MKLN1: variants seen among roughly 807,000 people sequenced by gnomAD.
MKLN1 encodes the protein muskelin.
A neutral mutation model predicts 99.0 loss-of-function variants in MKLN1; 18 were observed. The ratio of observed to expected loss-of-function variants is 0.18; its 90% CI spans 0.13 to 0.27. MKLN1 has a LOEUF of 0.27. MKLN1 is among the 10% of genes least tolerant of loss of function. MKLN1 has a pLI of 1.00. For synonymous variants in MKLN1, 288 were observed against 293.2 expected (o/e 0.98, Z 0.18); for missense variants, 621 against 875.9 (o/e 0.71, Z 3.67).
intron 3 of MKLN1, among the ~76,000 whole-genome samples, chr7:131,291,362 C>A (rs1204096451): frequency 1.3e-5 from 2 of 151,202 alleles, no homozygotes. Context: ...AACTCCTGAC[C>A]TCAGGTGATC....
At chr7:131,202,066 T>C (rs957693511) in intron 2 of MKLN1, among the ~76,000 whole-genome samples, 1 of 151,022 alleles carries the variant, frequency 6.6e-6, no homozygotes, top group African/African-American at 2.4e-5. Flanking sequence ...ACAACACTAG[T>C]CAAGAAATTA....
At chr7:131,232,839 CCATCTCCAAAAAAT>C (rs1797262971) in intron 3 of MKLN1, among the ~76,000 whole-genome samples, 1 of 151,368 alleles carries the variant, frequency 6.6e-6, no homozygotes, top group Non-Finnish European at 1.5e-5. Context: ...GAGGGAGACC[CCATCTCCAAAAAAT>C]AAATAAATAA....
intron 3 of MKLN1, among the ~76,000 whole-genome samples, chr7:131,232,410 T>G (rs1797256407): frequency 6.6e-6 from 1 of 152,326 alleles, no homozygotes; most frequent in East Asian, 1.9e-4. Flanking sequence ...ATGAAAAATT[T>G]ATAGGATTGG....
At chr7:131,305,324 T>C (rs1304642315) in intron 3 of MKLN1, among the ~76,000 whole-genome samples, 1 of 152,248 alleles carries the variant, frequency 6.6e-6, no homozygotes, top group Non-Finnish European at 1.5e-5. Flanking sequence ...TGTTTTGCTT[T>C]GTTAACTTTG....
At chr7:131,263,228 C>G (rs536229012) in intron 3 of MKLN1, among the ~76,000 whole-genome samples, 1 of 151,736 alleles carries the variant, frequency 6.6e-6, no homozygotes, top group South Asian at 2.1e-4. Flanking sequence ...TTTTTAAGAC[C>G]GGGCATGGTG....
intron 3 of MKLN1, among the ~76,000 whole-genome samples, chr7:131,262,952 T>G (rs926542644): frequency 1.3e-5 from 2 of 152,222 alleles, no homozygotes; most frequent in African/African-American, 4.8e-5. Flanking sequence ...CTGGGGCAGT[T>G]GTTCTACAGA....
At chr7:131,205,216 A>G (rs1458868290) in intron 3 of MKLN1, among the ~76,000 whole-genome samples, 1 of 152,216 alleles carries the variant, frequency 6.6e-6, no homozygotes, top group Non-Finnish European at 1.5e-5. Flanking sequence ...TGTGACTGCA[A>G]TGAATCGGAG....
intron 3 of MKLN1, among the ~76,000 whole-genome samples, chr7:131,232,643 G>C (rs1797259464): frequency 6.6e-6 from 1 of 152,100 alleles, no homozygotes; most frequent in South Asian, 2.1e-4. Context: ...AGTGAACTAG[G>C]GAAGTTTGTG....
At chr7:131,419,080 G>T (rs1795112386) in intron 8 of MKLN1, among the ~76,000 whole-genome samples, 1 of 151,674 alleles carries the variant, frequency 6.6e-6, no homozygotes, top group Non-Finnish European at 1.5e-5. Context: ...TCGATTTTTT[G>T]TTCTGTTCTC....
At chr7:131,268,172 G>C (rs1245459561) in intron 3 of MKLN1, among the ~76,000 whole-genome samples, 1 of 152,196 alleles carries the variant, frequency 6.6e-6, no homozygotes, top group Non-Finnish European at 1.5e-5. Context: ...GTGAGATAAG[G>C]AGATACATGG....
intron 17 of MKLN1, among the ~76,000 whole-genome samples, chr7:131,479,377 T>G (rs897220558): frequency 1.3e-5 from 2 of 151,994 alleles, no homozygotes; most frequent in Non-Finnish European, 2.9e-5. Flanking sequence ...AAAAAAATTT[T>G]TAATTAGCCA....
intron 1 of MKLN1, among the ~76,000 whole-genome samples, chr7:131,330,040 T>C (rs1799024659): frequency 6.6e-6 from 1 of 152,222 alleles, no homozygotes; most frequent in Non-Finnish European, 1.5e-5. Context: ...TTGAGTATTA[T>C]GGAGCTGGAG....
chr7:131,265,014 T>C (rs1255636234), intron 3 of MKLN1, among the ~76,000 whole-genome samples: 2 of 152,142 alleles, frequency 1.3e-5, no homozygotes, highest in Non-Finnish European at 2.9e-5. Flanking sequence ...AATTTTTTTG[T>C]ATTTTTAGTA....
At chr7:131,382,923 C>T (rs1159080998) in intron 2 of MKLN1, among the ~76,000 whole-genome samples, 1 of 151,978 alleles carries the variant, frequency 6.6e-6, no homozygotes, top group Non-Finnish European at 1.5e-5. Context: ...CAGGGTTTCA[C>T]CGTGTTAGCT....
At chr7:131,333,790 G>C (rs761380757) in intron 1 of MKLN1, among the ~76,000 whole-genome samples, 2 of 152,034 alleles carry the variant, frequency 1.3e-5, no homozygotes, top group Non-Finnish European at 2.9e-5. Flanking sequence ...CGCCCACCTC[G>C]GCCTTCCAAA....
intron 2 of MKLN1, among the ~76,000 whole-genome samples, chr7:131,169,996 G>A (rs1377219015): frequency 6.6e-6 from 1 of 152,154 alleles, no homozygotes; most frequent in African/African-American, 2.4e-5. Context: ...AGACTGAGGT[G>A]GGAGGATCGC....
At chr7:131,353,202 G>C (rs1359197667) in intron 1 of MKLN1, among the ~76,000 whole-genome samples, 2 of 152,082 alleles carry the variant, frequency 1.3e-5, no homozygotes, top group Non-Finnish European at 2.9e-5. Context: ...TCTAAAATGG[G>C]TTACCATTTT....
At chr7:131,246,776 C>T (rs1797496214) in intron 3 of MKLN1, among the ~76,000 whole-genome samples, 2 of 152,078 alleles carry the variant, frequency 1.3e-5, no homozygotes, top group Admixed American at 1.3e-4. Context: ...ACCACTGTGC[C>T]TGGCTGTTTT....
chr7:131,444,760 A>T (rs9641901), intron 11 of MKLN1, among the ~76,000 whole-genome samples: 5,483 of 53,718 alleles, frequency 0.1, 106 homozygotes, highest in Middle Eastern at 0.17. Context: ...GTAGTAGTAG[A>T]AGAAGTAGTA....
Sources: gnomAD v4.1 joint callset for allele counts (sites outside exome capture counted in the v4.1 genomes callset) on GRCh38, gnomAD v4.1.1 for gene constraint, MANE v1.5 for transcripts, NCBI Gene and HGNC (gene_info 2026-07-23, HGNC 2026-07-21) for gene names.